SGMS1: variants seen among roughly 807,000 people sequenced by gnomAD.
SGMS1 encodes sphingomyelin synthase 1.
SGMS1 carries 13 observed loss-of-function variants against 46.2 expected under a neutral mutation model. That is an observed-to-expected ratio of 0.28 (90% CI 0.18 to 0.45). The LOEUF is 0.45. Among genes scored for constraint, SGMS1 ranks in the 20% least tolerant of loss-of-function variants. The pLI, the probability that SGMS1 is intolerant of heterozygous loss-of-function variation, is 1.00. For missense variants in SGMS1, 324 were observed against 519.9 expected (o/e 0.62, Z 3.66); for synonymous variants, 203 against 187.8 (o/e 1.08, Z -0.66).
chr10:50,465,842 C>T (rs376980974), intron 4 of SGMS1, among the ~76,000 whole-genome samples: 2 of 150,380 alleles, frequency 1.3e-5, no homozygotes, highest in African/African-American at 4.9e-5. Context: ...AAACATTTTC[C>T]AGAGACAAAA....
chr10:50,445,600 AC>A (rs1837001743), intron 5 of SGMS1, among the ~76,000 whole-genome samples: 2 of 152,024 alleles, frequency 1.3e-5, no homozygotes, highest in Admixed American at 1.3e-4. Context: ...CCCAATCAAT[AC>A]TCTAGTGATT....
intron 2 of SGMS1, among the ~76,000 whole-genome samples, chr10:50,550,480 G>T (rs1165841328): frequency 1.1e-4 from 17 of 152,102 alleles, no homozygotes; most frequent in Admixed American, 1.1e-3. Context: ...GAGTTAACAT[G>T]CCTTGGACTG....
rs1847180200 is a variant in SGMS1 at position 50,306,176 on chromosome 10, T to G, written c.*966A>C. On this transcript the variant is annotated 3_prime_UTR_variant, in exon 11 of 11. Coordinates refer to ENST00000361781, the MANE Select transcript of SGMS1 (RefSeq NM_147156.4). ...AAATAATTTAAGTGGTACATGTCAT[T>G]GCTACCTGATCACAATATGTGAACA... 1 of 152,640 alleles carries G rather than the reference T, an allele frequency of 6.6e-6. No homozygotes were observed. The highest frequency in any genetic ancestry group is 1.5e-5 in the Non-Finnish European group (1 of 68,014). The allele number at this position is 152,640 out of a possible 1,614,324, so 9.5% of individuals were successfully genotyped here.
chr10:50,619,693 C>T (rs1271750438), intron 1 of SGMS1, among the ~76,000 whole-genome samples: 1 of 152,218 alleles, frequency 6.6e-6, no homozygotes, highest in Non-Finnish European at 1.5e-5. Flanking sequence ...TAAATCTCCA[C>T]TCACCTGTCT....
At chr10:50,419,181 G>A (rs952609450) in intron 6 of SGMS1, among the ~76,000 whole-genome samples, 12 of 152,170 alleles carry the variant, frequency 7.9e-5, no homozygotes, top group Admixed American at 2.6e-4. Flanking sequence ...TGAAGATAAG[G>A]GGGGAACTAC....
chr10:50,314,614 G>A (rs777912852), intron 8 of SGMS1, among the ~76,000 whole-genome samples: 16 of 152,142 alleles, frequency 1.1e-4, no homozygotes, highest in Non-Finnish European at 2.2e-4. Context: ...AGTTCTATGT[G>A]CAAAAATATC....
chr10:50,442,451 T>A (rs1052877531), intron 5 of SGMS1, among the ~76,000 whole-genome samples: 2 of 152,136 alleles, frequency 1.3e-5, no homozygotes, highest in Non-Finnish European at 2.9e-5. Flanking sequence ...TGGTTTTCTG[T>A]TCCCACATTA....
intron 1 of SGMS1, among the ~76,000 whole-genome samples, chr10:50,609,577 A>G (rs1838729438): frequency 6.7e-6 from 1 of 149,636 alleles, no homozygotes; most frequent in South Asian, 2.1e-4. Context: ...GCACATAACA[A>G]TGCTTTCAGA....
intron 1 of SGMS1, among the ~76,000 whole-genome samples, chr10:50,595,370 G>T (rs66936815): frequency 0.049 from 7,497 of 152,062 alleles, 543 homozygotes; most frequent in African/African-American, 0.16. Flanking sequence ...TAGAGGCAGG[G>T]TTTCACTGTA....
chr10:50,565,599 C>T (rs768347018), intron 2 of SGMS1, among the ~76,000 whole-genome samples: 5 of 152,282 alleles, frequency 3.3e-5, no homozygotes, highest in African/African-American at 7.2e-5. Context: ...GCAACATATA[C>T]GCTCTGAACC....
At chr10:50,624,555 C>T (rs1209881773), upstream of SGMS1, 6 of 980,168 alleles carry the variant, frequency 6.1e-6, no homozygotes, top group Non-Finnish European at 1.2e-6. Flanking sequence ...TCTAACCGCG[C>T]GAGGTGAAAA....
intron 1 of SGMS1, among the ~76,000 whole-genome samples, chr10:50,622,207 C>T (rs988135456): frequency 6.6e-6 from 1 of 152,220 alleles, no homozygotes; most frequent in Non-Finnish European, 1.5e-5. Context: ...ACCAGACAGG[C>T]ACCCATCCCC....
At chr10:50,544,057 G>A (rs928436541) in intron 2 of SGMS1, among the ~76,000 whole-genome samples, 1 of 152,204 alleles carries the variant, frequency 6.6e-6, no homozygotes, top group East Asian at 1.9e-4. Context: ...TCCCTTGGAT[G>A]TGTAGGTTCT....
chr10:50,511,712 G>A (rs149910857), intron 3 of SGMS1, among the ~76,000 whole-genome samples: 25 of 152,268 alleles, frequency 1.6e-4, no homozygotes, highest in African/African-American at 5.8e-4. Context: ...CTCTGCTCTA[G>A]ATGAGTCACA....
chr10:50,516,683 T>C (rs779739212), intron 3 of SGMS1, among the ~76,000 whole-genome samples: 2 of 152,102 alleles, frequency 1.3e-5, no homozygotes, highest in Non-Finnish European at 2.9e-5. Context: ...TTAGGTGAAA[T>C]AAAGGAAAGT....
intron 2 of SGMS1, among the ~76,000 whole-genome samples, chr10:50,560,417 CATAAT>C (rs2131837669): frequency 7.4e-6 from 1 of 136,010 alleles, no homozygotes; most frequent in East Asian, 2.1e-4. Context: ...ACATATATTA[CATAAT>C]ATGTGTATTG....
chr10:50,418,022 G>A (rs937117129), intron 6 of SGMS1: 2 of 152,256 alleles, frequency 1.3e-5, no homozygotes, highest in Non-Finnish European at 2.9e-5. Flanking sequence ...CCGTCTGTTA[G>A]TGTATTCTAA....
At chr10:50,583,292 C>T (rs1451679019) in intron 2 of SGMS1, among the ~76,000 whole-genome samples, 1 of 152,132 alleles carries the variant, frequency 6.6e-6, no homozygotes, top group Non-Finnish European at 1.5e-5. Flanking sequence ...CTTTTCAAAC[C>T]ATTAAAAGAT....
intron 2 of SGMS1, among the ~76,000 whole-genome samples, chr10:50,581,178 G>A (rs1049219803): frequency 2.0e-5 from 3 of 152,320 alleles, no homozygotes; most frequent in Admixed American, 6.5e-5. Flanking sequence ...AGTATGTAAG[G>A]AGCGGGGAGT....
Sources: allele counts gnomAD v4.1 joint callset (sites outside exome capture counted in the v4.1 genomes callset), GRCh38; gene constraint gnomAD v4.1.1; transcripts MANE v1.5; gene names NCBI Gene and HGNC (gene_info 2026-07-23, HGNC 2026-07-21).